The following ULK4 variants were observed in gnomAD, a reference collection of about 807,000 sequenced individuals.
ULK4 encodes the protein inactive serine/threonine-protein kinase ULK4.
In ULK4, 133 loss-of-function variants were observed where a neutral mutation model predicts 160.6. The ratio of observed to expected loss-of-function variants is 0.83; its 90% confidence interval spans 0.72 to 0.96. The LOEUF is 0.96. Among genes scored for constraint, ULK4 ranks in the 40% least tolerant of loss-of-function variants. The probability of loss-of-function intolerance (pLI) is 0.00; values close to 1 mark genes in which losing one functional copy is unlikely to be tolerated. For missense variants in ULK4, 1,580 were observed against 1,499.5 expected (o/e 1.05, Z -0.89); for synonymous variants, 534 against 539.8 (o/e 0.99, Z 0.15).
intron 21 of ULK4, among the ~76,000 whole-genome samples, chr3:41,762,208 A>G (rs1375652891): frequency 6.6e-6 from 1 of 152,190 alleles, no homozygotes; most frequent in Non-Finnish European, 1.5e-5. Context: ...CCAAAATTGC[A>G]GAACTTAGAA....
intron 22 of ULK4, among the ~76,000 whole-genome samples, chr3:41,731,936 A>G (rs987480200): frequency 6.6e-5 from 10 of 152,156 alleles, no homozygotes; most frequent in Non-Finnish European, 1.2e-4. Flanking sequence ...CACATGCAGA[A>G]GAGTGTAGCT....
chr3:41,819,474 C>G lies in ULK4; in HGVS notation c.1797G>C (p.Trp599Cys). 2 of 1,613,476 alleles carry G rather than the reference C, an allele frequency of 1.2e-6. No individual in the cohort carries two copies. The highest frequency in any genetic ancestry group is 1.7e-6 in the Non-Finnish European group (2 of 1,179,884). The change falls in exon 19 of 37, where the codon TGG becomes TGC. Residue 599 changes from tryptophan (W) to cysteine (C), a missense_variant. Trp to Cys is a radical substitution (Grantham distance 215). Coordinates refer to ENST00000301831, the MANE Select transcript of ULK4 (RefSeq NM_017886.4). ...CTGTGTATGCAGCCAAGGGAACAGCCCAGCACTCTCTAGGGTTCTTTTTTT... is the reference window on the plus strand; with the variant it reads ...CTGTGTATGCAGCCAAGGGAACAGCGCAGCACTCTCTAGGGTTCTTTTTTT... ...EEKKKNPREC[W>C]AVPLAAYTVL...
intron 33 of ULK4, among the ~76,000 whole-genome samples, chr3:41,462,237 T>C (rs909820328): frequency 3.3e-5 from 5 of 152,256 alleles, no homozygotes; most frequent in African/African-American, 1.2e-4. Flanking sequence ...GAGTCATTCT[T>C]GGCTCTGCTA....
intron 34 of ULK4, among the ~76,000 whole-genome samples, chr3:41,432,754 C>T (rs1254951103): frequency 1.3e-5 from 2 of 152,124 alleles, no homozygotes; most frequent in African/African-American, 4.8e-5. Context: ...GGTGCCACTC[C>T]ACTTATTTAA....
At chr3:41,543,387 G>A (rs938640033) in intron 32 of ULK4, among the ~76,000 whole-genome samples, 1 of 122,692 alleles carries the variant, frequency 8.2e-6, no homozygotes, top group Non-Finnish European at 1.8e-5. Flanking sequence ...TAGGAAGCCT[G>A]AAACTAATCC....
chr3:41,613,877 T>C lies in ULK4; in HGVS notation c.3120+1792A>G, dbSNP rs1220983568. ...TAGAAAAAGAGCACCATCCCTGACA[T>C]GCCTGCAAGGCCATAGGGCTCAGGA... is the stretch of plus-strand genomic sequence containing the variant. On this transcript the variant is annotated intron_variant, in intron 31 of 36. Transcript: ENST00000301831. Among the ~76,000 whole-genome samples, 3 of 152,332 alleles carry C rather than the reference T, an allele frequency of 2.0e-5. No homozygotes were observed. The East Asian group carries it at 5.8e-4, about 29-fold the overall frequency.
intron 33 of ULK4, 57 bp from the exon 34 acceptor site, chr3:41,455,652 A>T: frequency 6.5e-7 from 1 of 1,548,542 alleles, no homozygotes. Flanking sequence ...AGCTTGGCCA[A>T]AGGAAACAGG....
intron 35 of ULK4, among the ~76,000 whole-genome samples, chr3:41,254,875 T>A: frequency 1.4e-5 from 2 of 143,654 alleles, no homozygotes; most frequent in South Asian, 2.2e-4. Context: ...AGAGCGAGAC[T>A]CCATCTCAAA....
At chr3:41,808,719 C>T (rs1164193581) in intron 19 of ULK4, among the ~76,000 whole-genome samples, 1 of 152,184 alleles carries the variant, frequency 6.6e-6, no homozygotes, top group Non-Finnish European at 1.5e-5. Context: ...AAAAAGTTTT[C>T]TGCCAATATA....
intron 31 of ULK4, among the ~76,000 whole-genome samples, chr3:41,573,060 T>A (rs2088059480): frequency 6.6e-6 from 1 of 152,198 alleles, no homozygotes; most frequent in African/African-American, 2.4e-5. Flanking sequence ...TGACCTAATT[T>A]ATGTGCCTAA....
chr3:41,829,584 A>T (rs553875826), intron 18 of ULK4, among the ~76,000 whole-genome samples: 2 of 152,278 alleles, frequency 1.3e-5, no homozygotes, highest in East Asian at 3.9e-4. Context: ...GCAAATGAAA[A>T]CCACAATGAG....
At chr3:41,456,141 C>A (rs11921851) in intron 33 of ULK4, among the ~76,000 whole-genome samples, 6,467 of 152,246 alleles carry the variant, frequency 0.042, 315 homozygotes, top group African/African-American at 0.13. Flanking sequence ...AACTCCTGAC[C>A]TCACGTGATC....
At chr3:41,488,023 C>T (rs890716635) in intron 32 of ULK4, among the ~76,000 whole-genome samples, 22 of 152,066 alleles carry the variant, frequency 1.4e-4, no homozygotes, top group African/African-American at 3.9e-4. Context: ...TTAACAAAGA[C>T]AACTACTTGG....
At chr3:41,830,477 CTT>C (rs2041540300) in intron 18 of ULK4, among the ~76,000 whole-genome samples, 1 of 151,802 alleles carries the variant, frequency 6.6e-6, no homozygotes. Flanking sequence ...GCTAAGGAAA[CTT>C]TTGGAGGTGA....
chr3:41,444,121 C>T (rs1407561110), intron 34 of ULK4, among the ~76,000 whole-genome samples: 1 of 152,084 alleles, frequency 6.6e-6, no homozygotes, highest in African/African-American at 2.4e-5. Flanking sequence ...CGATACAGAC[C>T]AATTAATATT....
intron 18 of ULK4, among the ~76,000 whole-genome samples, chr3:41,829,684 T>C (rs905425737): frequency 1.3e-5 from 2 of 152,096 alleles, no homozygotes; most frequent in Non-Finnish European, 2.9e-5. Flanking sequence ...AGGAACACTT[T>C]TACAGTGTTG....
At position 41,774,207 on chromosome 3, in the gene ULK4, C is replaced by A. The variant is rs1306316059; in HGVS notation, c.2193+15454G>T. Among the ~76,000 whole-genome samples, 148 of 151,774 alleles carry A rather than the reference C, an allele frequency of 9.8e-4. 1 individual carries two copies. The highest frequency in any genetic ancestry group is 1.5e-3 in the East Asian group (8 of 5,178). On this transcript the variant is annotated intron_variant, in intron 21 of 36. Coordinates refer to ENST00000301831, the MANE Select transcript of ULK4 (RefSeq NM_017886.4). ...ACACCAAAAGCAATGGCAACAAAAG[C>A]CAAAATTGACAAATGGGATCTAATT...
At position 41,717,772 on chromosome 3, in the gene ULK4, T is replaced by C; in HGVS notation, c.2411A>G (p.Asp804Gly). Residue 804 changes from aspartate (D) to glycine (G), a missense_variant, in exon 23 of 37, where the codon GAT becomes GGT. Asp to Gly is a moderately conservative substitution (Grantham distance 94, BLOSUM62 -1). Coordinates refer to ENST00000301831, the MANE Select transcript of ULK4 (RefSeq NM_017886.4). ...CTGCACAATGTGACAGATGAGAAGA[T>C]CCAGGCATTTGGACAGGTATTCATT... ...SGNEYLSKCL[D>G]LLICHIVQEL... 6.2e-7 allele frequency: 1 copy of C among 1,614,062 alleles called. No homozygotes were observed. Among genetic ancestry groups the C allele is most frequent in the African/African-American group, 1.3e-5 (1 of 75,026 alleles).
chr3:41,261,703 G>A (rs1057203494), intron 35 of ULK4, among the ~76,000 whole-genome samples: 4 of 152,098 alleles, frequency 2.6e-5, no homozygotes, highest in East Asian at 1.9e-4. Flanking sequence ...AGCAGGAACC[G>A]CAGAATCTCT....
Sources: gnomAD v4.1 joint callset for allele counts (sites outside exome capture counted in the v4.1 genomes callset) on GRCh38, gnomAD v4.1.1 for gene constraint, MANE v1.5 for transcripts, NCBI Gene and HGNC (gene_info 2026-07-23, HGNC 2026-07-21) for gene names.